The following RYR2 variants were observed in gnomAD, a reference collection of about 807,000 sequenced individuals.
RYR2 encodes cardiac muscle ryanodine receptor-calcium release channel.
A neutral mutation model predicts 601.1 loss-of-function variants in RYR2; 227 were observed. The ratio of observed to expected loss-of-function variants is 0.38; its 90% CI spans 0.34 to 0.42. The LOEUF is 0.42. Ranked by LOEUF, RYR2 falls within the 10% of genes least tolerant of loss-of-function variation. The pLI, the probability that RYR2 is intolerant of heterozygous loss-of-function variation, is 1.00. For missense variants in RYR2, 4,646 were observed against 6,156.5 expected (o/e 0.75, Z 8.21); for synonymous variants, 2,223 against 2,175.1 (o/e 1.02, Z -0.61).
chr1:237,109,412 G>A (rs1448968941), intron 1 of RYR2, among the ~76,000 whole-genome samples: 2 of 151,922 alleles, frequency 1.3e-5, no homozygotes, highest in African/African-American at 2.4e-5. Context: ...TGCTTTGAAA[G>A]GAAGATTTTT....
chr1:237,171,651 C>T (rs375243450), intron 1 of RYR2, among the ~76,000 whole-genome samples: 25 of 152,194 alleles, frequency 1.6e-4, no homozygotes, highest in African/African-American at 4.6e-4. Context: ...AAACAAAAAT[C>T]TCTGAGACTC....
At chr1:237,649,424 A>G (rs936314461) in intron 49 of RYR2, among the ~76,000 whole-genome samples, 15 of 152,202 alleles carry the variant, frequency 9.9e-5, no homozygotes, top group African/African-American at 3.6e-4. Flanking sequence ...TAATACAGTT[A>G]TCCTTTGGTT....
intron 1 of RYR2, among the ~76,000 whole-genome samples, chr1:237,241,158 G>A (rs761512433): frequency 1.3e-5 from 2 of 152,192 alleles, no homozygotes; most frequent in Non-Finnish European, 2.9e-5. Flanking sequence ...TAGTTTGAAT[G>A]CAGTGCTCTT....
rs768312837 is a variant in RYR2 at position 237,732,161 on chromosome 1, A to G, written c.11039+12A>G. On this transcript the variant is annotated intron_variant, in intron 78 of 104. Transcript: ENST00000366574. Reference sequence around the variant, plus strand: ...TTAACAGAGAAATGGTATGGTTGGGAGGGTTCCTATGAGACATAGGAGGAG... The same window carrying G: ...TTAACAGAGAAATGGTATGGTTGGGGGGGTTCCTATGAGACATAGGAGGAG... 1 of 1,561,012 alleles carries G rather than the reference A, an allele frequency of 6.4e-7. No individual in the cohort carries two copies. The highest frequency in any genetic ancestry group is 1.1e-5 in the South Asian group (1 of 89,190).
chr1:237,708,342 A>T (rs935985875), intron 68 of RYR2, among the ~76,000 whole-genome samples: 8 of 152,126 alleles, frequency 5.3e-5, no homozygotes, highest in African/African-American at 1.9e-4. Context: ...GGGGGAAAAA[A>T]GTCATTTTAA....
At chr1:237,226,489 A>C (rs1684380347) in intron 1 of RYR2, among the ~76,000 whole-genome samples, 1 of 152,160 alleles carries the variant, frequency 6.6e-6, no homozygotes, top group Non-Finnish European at 1.5e-5. Context: ...ATTCAGAAAA[A>C]CACCTCAGAT....
chr1:237,046,870 A>T (rs1362290018), intron 1 of RYR2, among the ~76,000 whole-genome samples: 5 of 152,246 alleles, frequency 3.3e-5, no homozygotes, highest in African/African-American at 1.2e-4. Flanking sequence ...GTCTGTATGC[A>T]TAGCATGTTA....
chr1:237,525,565 C>A (rs1167067155), intron 24 of RYR2, among the ~76,000 whole-genome samples: 2 of 151,994 alleles, frequency 1.3e-5, no homozygotes. Flanking sequence ...ATTCTCCTGC[C>A]ACAGCCTCCC....
At position 237,499,389 on chromosome 1, in the gene RYR2, G is replaced by A. The variant is rs552656741; in HGVS notation, c.2204-1322G>A. On this transcript the variant is annotated intron_variant, in intron 20 of 104. Coordinates refer to ENST00000366574, the MANE Select transcript of RYR2 (RefSeq NM_001035.3). ...AATTTAAATATAGAAGTAGTGTGGA[G>A]GAATGTACAGGAAAGATGGGTACAG... Among the ~76,000 whole-genome samples, 83 of 152,168 alleles carry A rather than the reference G, an allele frequency of 5.5e-4. 1 individual carries two copies. Among genetic ancestry groups the A allele is most frequent in the Admixed American group, 9.8e-4 (15 of 15,292 alleles).
At chr1:237,565,157 C>CTTTT (rs1347900567) in intron 27 of RYR2, among the ~76,000 whole-genome samples, 2 of 52,946 alleles carry the variant, frequency 3.8e-5, no homozygotes, top group Non-Finnish European at 5.0e-5. Context: ...TTCTTTCTTT[C>CTTTT]TCTTTCTTTC....
intron 24 of RYR2, among the ~76,000 whole-genome samples, chr1:237,524,578 C>A (rs1469295741): frequency 6.6e-6 from 1 of 152,134 alleles, no homozygotes; most frequent in Admixed American, 6.5e-5. Flanking sequence ...TGCAGAATAA[C>A]CTTTAGCAGC....
intron 61 of RYR2, among the ~76,000 whole-genome samples, chr1:237,679,883 G>A (rs1685714762): frequency 6.6e-6 from 1 of 152,190 alleles, no homozygotes; most frequent in Admixed American, 6.6e-5. Context: ...GGTGATGTGA[G>A]TGGACAGAGT....
chr1:237,051,298 CTCTCTTTCTCTT>C (rs1353777128), intron 1 of RYR2, among the ~76,000 whole-genome samples: 6 of 128,954 alleles, frequency 4.7e-5, no homozygotes, highest in Non-Finnish European at 6.6e-5. Flanking sequence ...CTCTCTCTCT[CTCTCTTTCTCTT>C]TATCTCTCTC....
chr1:237,312,206 T>C (rs1558603373), intron 2 of RYR2, among the ~76,000 whole-genome samples: 1 of 152,096 alleles, frequency 6.6e-6, no homozygotes. Context: ...TAACCACTAA[T>C]AGAGTTGGCT....
chr1:237,303,292 C>CTTTTT lies in RYR2; in HGVS notation c.169-27565_169-27561dup, dbSNP rs386370109. Among the ~76,000 whole-genome samples the CTTTTT allele has an allele frequency of 8.6e-4, 73 of 85,250 alleles. 6 individuals carry two copies. Among genetic ancestry groups the CTTTTT allele is most frequent in the South Asian group, 2.8e-3 (6 of 2,108 alleles). 55.9% of individuals were successfully genotyped at this position (85,250 alleles called of 152,430 possible). On this transcript the variant is annotated intron_variant, in intron 2 of 104. Transcript: ENST00000366574. ...CATATGAAGATAGCTCTGCGGTTAT[C>CTTTTT]TTTTTTTTTTTTTTTTTTTTTTTTT... is the stretch of plus-strand genomic sequence containing the variant.
intron 1 of RYR2, among the ~76,000 whole-genome samples, chr1:237,269,073 G>T (rs541708171): frequency 9.0e-6 from 1 of 110,516 alleles, no homozygotes; most frequent in Non-Finnish European, 1.7e-5. Flanking sequence ...ACAGAGTTTC[G>T]CTCTTGTTGC....
At chr1:237,418,144 A>G (rs1348673561) in intron 11 of RYR2, among the ~76,000 whole-genome samples, 1 of 151,984 alleles carries the variant, frequency 6.6e-6, no homozygotes, top group Non-Finnish European at 1.5e-5. Context: ...CCGGGTTCAC[A>G]CCATTCTCCT....
Position 237,496,710 on chromosome 1 carries a change from G to C in RYR2, c.2161G>C (p.Asp721His). 1 of 1,613,904 alleles carries C rather than the reference G, an allele frequency of 6.2e-7. No individual in the cohort carries two copies. The highest frequency in any genetic ancestry group is 8.5e-7 in the Non-Finnish European group (1 of 1,179,854). The change falls in exon 20 of 105, where the codon GAT (aspartate) becomes CAT (histidine). Residue 721 changes from aspartate (D) to histidine (H), a missense_variant. Physicochemically the swap from Asp to His is moderately conservative, Grantham distance 81 (BLOSUM62 -1). This residue lies in a region of RYR2 where 1,807 missense variants were observed against 2,088.1 expected (regional missense o/e 0.87). Transcript: ENST00000366574. Reference sequence around the variant, plus strand: ...GTGGGGTGGAAATGGTGTTGGAGATGATCTCTTCTCCTATGGATTTGATGG... The same window carrying C: ...GTGGGGTGGAAATGGTGTTGGAGATCATCTCTTCTCCTATGGATTTGATGG... ...EEWGGNGVGD[D>H]LFSYGFDGLH...
At chr1:237,609,198 A>G (rs78423676) in intron 35 of RYR2, among the ~76,000 whole-genome samples, 14,421 of 76,948 alleles carry the variant, frequency 0.19, 2,033 homozygotes, top group African/African-American at 0.39. Flanking sequence ...CTGCCCTCCT[A>G]TCTTCCTTGT....
Sources: allele counts gnomAD v4.1 joint callset (sites outside exome capture counted in the v4.1 genomes callset), GRCh38; gene constraint gnomAD v4.1.1; regional missense constraint gnomAD v4.1.1; transcripts MANE v1.5; gene names NCBI Gene and HGNC (gene_info 2026-07-23, HGNC 2026-07-21).